Variants in FAM227A observed in about 807,000 individuals in gnomAD.
The protein encoded by FAM227A is family with sequence similarity 227 member A.
A neutral mutation model predicts 74.7 loss-of-function variants in FAM227A; 80 were observed. The ratio of observed to expected loss-of-function variants is 1.07; its 90% CI spans 0.89 to 1.29. The LOEUF (loss-of-function observed/expected upper bound fraction) is 1.29. Ranked by LOEUF, FAM227A falls within the 50% of genes most tolerant of loss-of-function variation. FAM227A has a pLI of 0.00. For synonymous variants in FAM227A, 237 were observed against 241.8 expected, an observed-to-expected ratio of 0.98 and a Z score of 0.19; for missense variants, 654 against 683.4, an observed-to-expected ratio of 0.96 and a Z score of 0.48.
At chr22:38,616,867 C>T (rs1398916687) in intron 11 of FAM227A, among the ~76,000 whole-genome samples, 1 of 151,608 alleles carries the variant, frequency 6.6e-6, no homozygotes, top group Non-Finnish European at 1.5e-5. Context: ...AGAACACAGG[C>T]TGGGGACTGA....
chr22:38,634,103 C>A (rs973912097), intron 6 of FAM227A, among the ~76,000 whole-genome samples: 1 of 151,600 alleles, frequency 6.6e-6, no homozygotes, highest in Admixed American at 6.6e-5. Context: ...TATCTGTAGT[C>A]CCAGCTACTC....
intron 11 of FAM227A, among the ~76,000 whole-genome samples, chr22:38,613,244 TA>T (rs1212410428): frequency 9.5e-5 from 8 of 84,082 alleles, no homozygotes; most frequent in Non-Finnish European, 2.1e-5. Context: ...ATATAATATA[TA>T]ATATATAACA....
At chr22:38,608,793 C>CTTT (rs35393303) in intron 11 of FAM227A, among the ~76,000 whole-genome samples, 6 of 97,034 alleles carry the variant, frequency 6.2e-5, no homozygotes, top group African/African-American at 1.5e-4. Flanking sequence ...ACCCTTGTTC[C>CTTT]TTTTTTTTTT....
At chr22:38,636,382 G>A (rs2092007158) in intron 6 of FAM227A, 69 bp downstream of exon 6, 2 of 1,498,994 alleles carry the variant, frequency 1.3e-6, no homozygotes, top group Non-Finnish European at 1.8e-6. Context: ...CTCCTGGGGT[G>A]TGAAAGGGTG....
chr22:38,604,514 G>A (rs141483193), intron 13 of FAM227A, among the ~76,000 whole-genome samples: 1 of 152,136 alleles, frequency 6.6e-6, no homozygotes, highest in East Asian at 1.9e-4. Context: ...GTGGGGAAGG[G>A]GAGGAGGAGA....
chr22:38,598,732 A>G (rs1450112741), intron 14 of FAM227A, among the ~76,000 whole-genome samples: 2 of 152,128 alleles, frequency 1.3e-5, no homozygotes, highest in African/African-American at 4.8e-5. Context: ...TAATAGCCCT[A>G]TGAGGCAGGT....
intron 9 of FAM227A, among the ~76,000 whole-genome samples, chr22:38,624,645 T>C (rs2091759811): frequency 6.6e-6 from 1 of 152,170 alleles, no homozygotes; most frequent in South Asian, 2.1e-4. Context: ...CAGACAGAGG[T>C]GTCTATGTGA....
intron 11 of FAM227A, among the ~76,000 whole-genome samples, chr22:38,613,095 TTATATATAATTATA>T (rs1338572195): frequency 3.3e-5 from 3 of 91,602 alleles, no homozygotes; most frequent in Non-Finnish European, 5.8e-5. Flanking sequence ...TATATATATA[TTATATATAATTATA>T]TATATATTAT....
At chr22:38,646,394 G>A (rs1317916058) in intron 2 of FAM227A, among the ~76,000 whole-genome samples, 2 of 145,628 alleles carry the variant, frequency 1.4e-5, no homozygotes, top group Admixed American at 1.4e-4. Flanking sequence ...CAAGTAGCTG[G>A]GACTACAGGC....
Position 38,650,256 on chromosome 22 carries a change from C to T in FAM227A, c.-88G>A. ...ACTCCAATCTTGTCGTTTGTTTAAT[C>T]AGCCTCCTGGAAATCATAAACAGCA... On this transcript the variant is annotated 5_prime_UTR_variant, in exon 2 of 17. An upstream open reading frame in the 5' UTR loses its in-frame stop. Coordinates refer to ENST00000535113, the MANE Select transcript of FAM227A (RefSeq NM_001013647.2). 2 of 1,341,004 alleles carry T rather than the reference C, an allele frequency of 1.5e-6. No individual in the cohort carries two copies. Among genetic ancestry groups the T allele is most frequent in the Non-Finnish European group, 2.1e-6 (2 of 972,588 alleles). The allele number at this position is 1,341,004 out of a possible 1,614,324, so 83.1% of individuals were successfully genotyped here.
rs1050509927 is a variant in FAM227A at position 38,580,180 on chromosome 22, A to G, written c.*5945T>C. The G allele has an allele frequency of 2.6e-5, 4 of 152,194 alleles. No individual in the cohort carries two copies. The highest frequency in any genetic ancestry group is 7.2e-5 in the African/African-American group (3 of 41,418). 9.4% of individuals were successfully genotyped at this position (152,194 alleles called of 1,614,324 possible). ...AGGGGTTCTTCCACCTTGGCCTCCTAAAGTGCTGGGATTACAGGCATGGGC... is the reference window on the plus strand; with the variant it reads ...AGGGGTTCTTCCACCTTGGCCTCCTGAAGTGCTGGGATTACAGGCATGGGC... On this transcript the variant is annotated 3_prime_UTR_variant, in exon 17 of 17. Coordinates refer to ENST00000535113, the MANE Select transcript of FAM227A (RefSeq NM_001013647.2).
At chr22:38,619,804 G>A (rs542472658) in intron 11 of FAM227A, among the ~76,000 whole-genome samples, 5 of 152,266 alleles carry the variant, frequency 3.3e-5, no homozygotes, top group African/African-American at 1.2e-4. Flanking sequence ...GTGGAAAAGT[G>A]AGAAACAGGT....
chr22:38,598,518 GA>G (rs2091099107), intron 14 of FAM227A, among the ~76,000 whole-genome samples: 3 of 152,172 alleles, frequency 2.0e-5, no homozygotes, highest in African/African-American at 7.2e-5. Context: ...AAAACACTAT[GA>G]AATGTGAGTT....
chr22:38,580,385 C>T lies in FAM227A; in HGVS notation c.*5740G>A, dbSNP rs908210787. ...GTCATTTACCATTTGCCATGATGTCCCCATCCTCTGTATTTCCTGTTATGG... is the reference window on the plus strand; with the variant it reads ...GTCATTTACCATTTGCCATGATGTCTCCATCCTCTGTATTTCCTGTTATGG... On this transcript the variant is annotated 3_prime_UTR_variant, in exon 17 of 17. Transcript: ENST00000535113. 6.6e-6 allele frequency: 1 copy of T among 152,088 alleles called. No homozygotes were observed. Among genetic ancestry groups the T allele is most frequent in the East Asian group, 1.9e-4 (1 of 5,194 alleles). 9.4% of individuals were successfully genotyped at this position (152,088 alleles called of 1,614,324 possible).
chr22:38,597,847 T>A (rs1480797367), intron 14 of FAM227A, among the ~76,000 whole-genome samples: 1 of 152,016 alleles, frequency 6.6e-6, no homozygotes, highest in Non-Finnish European at 1.5e-5. Flanking sequence ...ATTGAGACCA[T>A]CCTGGCTAAC....
intron 2 of FAM227A, among the ~76,000 whole-genome samples, chr22:38,648,664 C>T (rs949280518): frequency 6.7e-6 from 1 of 149,852 alleles, no homozygotes; most frequent in South Asian, 2.1e-4. Flanking sequence ...TAAGAAAATA[C>T]ACAACCTGAT....
chr22:38,641,021 A>G, intron 3 of FAM227A, among the ~76,000 whole-genome samples: 1 of 152,178 alleles, frequency 6.6e-6, no homozygotes, highest in East Asian at 1.9e-4. Flanking sequence ...TTGGATGGGT[A>G]TGAGTCACTG....
At chr22:38,597,147 CGTGTGCTGCAAAAGATAA>C in intron 15 of FAM227A, 39 bp downstream of exon 15, 1 of 1,505,296 alleles carries the variant, frequency 6.6e-7, no homozygotes, top group Admixed American at 2.0e-5. Context: ...TGATGATGAT[CGTGTGCTGCAAAAGATAA>C]GTGCGGAACA....
chr22:38,607,281 G>A, intron 12 of FAM227A, 108 bp downstream of exon 12: 1 of 730,774 alleles, frequency 1.4e-6, no homozygotes, highest in Non-Finnish European at 2.3e-6. Flanking sequence ...GGAACCCCAA[G>A]TATAAAGTAG....
Sources: allele counts gnomAD v4.1 joint callset (sites outside exome capture counted in the v4.1 genomes callset), GRCh38; gene constraint gnomAD v4.1.1; transcripts MANE v1.5; gene names NCBI Gene and HGNC (gene_info 2026-07-23, HGNC 2026-07-21).